The following DNM3 variants were observed in gnomAD, a reference collection of about 807,000 sequenced individuals.
DNM3 encodes dynamin-3.
Under a neutral mutation model 101.6 loss-of-function variants are expected in DNM3, and 47 were observed. The ratio of observed to expected loss-of-function variants is 0.46; its 90% confidence interval spans 0.37 to 0.59. The LOEUF is 0.59. Ranked by LOEUF, DNM3 falls within the 20% of genes least tolerant of loss-of-function variation. The probability of loss-of-function intolerance (pLI) is 0.00; values close to 1 mark genes in which losing one functional copy is unlikely to be tolerated. For missense variants in DNM3, 849 were observed against 1,085.7 expected (o/e 0.78, Z 3.06); for synonymous variants, 385 against 387.9 (o/e 0.99, Z 0.09).
intron 17 of DNM3, among the ~76,000 whole-genome samples, chr1:172,374,501 A>G (rs1437990847): frequency 6.6e-6 from 1 of 151,914 alleles, no homozygotes; most frequent in Non-Finnish European, 1.5e-5. Context: ...AGAATTTTAC[A>G]GTTGTGTGTG....
intron 10 of DNM3, among the ~76,000 whole-genome samples, chr1:172,062,802 T>A (rs1345523105): frequency 2.0e-5 from 3 of 152,248 alleles, no homozygotes; most frequent in Non-Finnish European, 2.9e-5. Context: ...GAATTGCTTC[T>A]TATCTTCAAT....
chr1:172,204,555 T>C (rs2060263507), intron 14 of DNM3, among the ~76,000 whole-genome samples: 1 of 152,298 alleles, frequency 6.6e-6, no homozygotes, highest in Middle Eastern at 3.4e-3. Context: ...TTTGCCTCCA[T>C]GCCCTGCAAA....
chr1:172,209,074 C>T (rs969334980), intron 14 of DNM3, among the ~76,000 whole-genome samples: 1 of 152,010 alleles, frequency 6.6e-6, no homozygotes, highest in African/African-American at 2.4e-5. Context: ...CAGAATGTTA[C>T]TGTATTTGAA....
At chr1:171,940,555 T>C (rs1487457524) in intron 2 of DNM3, among the ~76,000 whole-genome samples, 1 of 152,204 alleles carries the variant, frequency 6.6e-6, no homozygotes, top group African/African-American at 2.4e-5. Flanking sequence ...TTACATTACA[T>C]TGCAATTTGG....
chr1:171,997,869 C>T (rs2046103190), intron 4 of DNM3, among the ~76,000 whole-genome samples: 1 of 152,044 alleles, frequency 6.6e-6, no homozygotes, highest in Non-Finnish European at 1.5e-5. Context: ...CACAGAAGTC[C>T]CTGGATGATC....
At chr1:172,250,798 T>C (rs2062138158) in intron 14 of DNM3, among the ~76,000 whole-genome samples, 1 of 152,018 alleles carries the variant, frequency 6.6e-6, no homozygotes, top group Non-Finnish European at 1.5e-5. Context: ...AAGGAAAAAC[T>C]GTTTGGATGG....
chr1:172,029,420 C>A (rs2048441522), intron 4 of DNM3, among the ~76,000 whole-genome samples: 1 of 152,054 alleles, frequency 6.6e-6, no homozygotes, highest in African/African-American at 2.4e-5. Context: ...ATAATAAGAG[C>A]TATTTATGAC....
At chr1:172,046,964 T>C (rs191592728) in intron 9 of DNM3, among the ~76,000 whole-genome samples, 172 of 152,136 alleles carry the variant, frequency 1.1e-3, no homozygotes, top group African/African-American at 3.8e-3. Flanking sequence ...TAATTCAGAA[T>C]TGTCAATTTC....
chr1:172,097,397 C>CA (rs199982004), intron 13 of DNM3, among the ~76,000 whole-genome samples: 5,894 of 132,750 alleles, frequency 0.044, 258 homozygotes, highest in East Asian at 0.14. Context: ...AAGACTGTCT[C>CA]AAAAAAAAAA....
chr1:172,351,895 AGCTGAGGATGAATG>A (rs1269790349), intron 17 of DNM3, among the ~76,000 whole-genome samples: 4 of 152,158 alleles, frequency 2.6e-5, no homozygotes, highest in Non-Finnish European at 4.4e-5. Flanking sequence ...ACCTCCTGGC[AGCTGAGGATGAATG>A]GCTTAAGTGA....
chr1:172,373,267 A>G (rs944069888), intron 17 of DNM3, among the ~76,000 whole-genome samples: 18 of 152,218 alleles, frequency 1.2e-4, no homozygotes, highest in Middle Eastern at 3.4e-3. Flanking sequence ...ATTGCTTTGT[A>G]AAGAAACATC....
intron 17 of DNM3, among the ~76,000 whole-genome samples, chr1:172,332,746 T>C (rs2066244384): frequency 6.6e-6 from 1 of 152,218 alleles, no homozygotes; most frequent in Non-Finnish European, 1.5e-5. Flanking sequence ...AGTAACATGT[T>C]ATTTCCACAC....
chr1:171,938,161 T>A (rs1233926679), intron 2 of DNM3, among the ~76,000 whole-genome samples: 1 of 152,172 alleles, frequency 6.6e-6, no homozygotes, highest in African/African-American at 2.4e-5. Flanking sequence ...TGTTGAACTG[T>A]GTTCTCTTGC....
chr1:172,228,149 G>A, intron 14 of DNM3, among the ~76,000 whole-genome samples: 1 of 151,754 alleles, frequency 6.6e-6, no homozygotes, highest in South Asian at 2.1e-4. Context: ...TTGCCATGAA[G>A]AAGTGTGTCA....
At chr1:172,108,128 T>G (rs190122115) in intron 13 of DNM3, among the ~76,000 whole-genome samples, 1 of 152,320 alleles carries the variant, frequency 6.6e-6, no homozygotes, top group East Asian at 1.9e-4. Context: ...AAAATTTTGT[T>G]TTGTAATTGG....
At chr1:171,989,600 A>G (rs1229230858) in intron 4 of DNM3, among the ~76,000 whole-genome samples, 8 of 152,236 alleles carry the variant, frequency 5.3e-5, no homozygotes, top group South Asian at 4.1e-4. Flanking sequence ...GTAAGATATT[A>G]TTTAGCTTAT....
At position 172,407,761 on chromosome 1, in the gene DNM3, T is replaced by G. The variant is rs778144636; in HGVS notation, c.2523-11T>G. ...ACTTGTTTCTTTACCTTTCTCTTTT[T>G]CTCTTTCTAGCCGGAGACCACCCCC... On this transcript the variant is annotated splice_polypyrimidine_tract_variant and intron_variant, in intron 20 of 20. Coordinates refer to ENST00000627582, the MANE Select transcript of DNM3 (RefSeq NM_015569.5). 1 of 1,612,634 alleles carries G rather than the reference T, an allele frequency of 6.2e-7. No individual in the cohort carries two copies. The highest frequency in any genetic ancestry group is 2.2e-5 in the East Asian group (1 of 44,864).
intron 14 of DNM3, among the ~76,000 whole-genome samples, chr1:172,237,088 T>C (rs755119658): frequency 1.1e-4 from 17 of 152,140 alleles, no homozygotes; most frequent in Non-Finnish European, 2.1e-4. Flanking sequence ...AGCAGATAAT[T>C]TGCAGCGAAA....
At chr1:172,019,055 C>T (rs1356611324) in intron 4 of DNM3, among the ~76,000 whole-genome samples, 1 of 128,170 alleles carries the variant, frequency 7.8e-6, no homozygotes, top group Non-Finnish European at 1.6e-5. Context: ...CTCCTTTCTT[C>T]CCTCCCTTCT....
Sources: allele counts gnomAD v4.1 joint callset (sites outside exome capture counted in the v4.1 genomes callset), GRCh38; gene constraint gnomAD v4.1.1; transcripts MANE v1.5; gene names NCBI Gene and HGNC (gene_info 2026-07-23, HGNC 2026-07-21).